The following MYO1C variants were observed in gnomAD, a reference collection of about 807,000 sequenced individuals.
The protein encoded by MYO1C is unconventional myosin-Ic.
In MYO1C, 104 loss-of-function variants were observed where a neutral mutation model predicts 150.8. The ratio of observed to expected loss-of-function variants is 0.69; its 90% CI spans 0.59 to 0.81. The LOEUF is 0.81. Among genes scored for constraint, MYO1C ranks in the 30% least tolerant of loss-of-function variants. The pLI, the probability that MYO1C is intolerant of heterozygous loss-of-function variation, is 0.00. For synonymous variants in MYO1C, 663 were observed against 579.9 expected (o/e 1.14, Z -2.06); for missense variants, 1,504 against 1,435.0 (o/e 1.05, Z -0.78).
In MYO1C at chr17:1,478,216, C is replaced by T; in HGVS notation, c.1296-24G>A. On this transcript the variant is annotated intron_variant, in intron 11 of 31. Coordinates refer to ENST00000648651, the MANE Select transcript of MYO1C (RefSeq NM_001080779.2). The surrounding 1 kb of genome is among the most constrained non-coding windows in gnomAD (Gnocchi z 6.3). ...AGCTGTAAGGAAGGAGAAGAGCCCA[C>T]AGTGGCTCAGTGGGGACACAGGACC... 1 of 1,606,606 alleles carries T rather than the reference C, an allele frequency of 6.2e-7. No individual in the cohort carries two copies. Among genetic ancestry groups the T allele is most frequent in the Admixed American group, 1.7e-5 (1 of 60,004 alleles).
At chr17:1,472,851 C>T (rs548223607) in intron 17 of MYO1C, among the ~76,000 whole-genome samples, 27 of 150,560 alleles carry the variant, frequency 1.8e-4, no homozygotes, top group African/African-American at 6.5e-4. Context: ...GGGGGAGCTG[C>T]TAAGTACTCC....
intron 1 of MYO1C, chr17:1,491,703 C>G: frequency 1.0e-6 from 1 of 958,460 alleles, no homozygotes. Context: ...CGCCGGGGGC[C>G]GGGCCGCAGC....
At position 1,477,609 on chromosome 17, in the gene MYO1C, G is replaced by A. The variant is rs1015076939; in HGVS notation, c.1483-13C>T. On this transcript the variant is annotated splice_polypyrimidine_tract_variant and intron_variant, in intron 13 of 31. Coordinates refer to ENST00000648651, the MANE Select transcript of MYO1C (RefSeq NM_001080779.2). ...GACACTCCTCATCCTGGGGGGTGTGGCACAGGGGGAAGGACGTATGGGGGA... is the reference window on the plus strand; with the variant it reads ...GACACTCCTCATCCTGGGGGGTGTGACACAGGGGGAAGGACGTATGGGGGA... 7 of 1,606,882 alleles carry A rather than the reference G, an allele frequency of 4.4e-6. No homozygotes were observed. Among genetic ancestry groups the A allele is most frequent in the Middle Eastern group, 1.7e-4 (1 of 6,044 alleles).
chr17:1,488,404 G>A (rs2074692646), intron 1 of MYO1C, among the ~76,000 whole-genome samples: 1 of 152,230 alleles, frequency 6.6e-6, no homozygotes. Context: ...GGCGGGGAGG[G>A]AAGCGGGGAA....
At position 1,479,682 on chromosome 17, in the gene MYO1C, G is replaced by T; in HGVS notation, c.930C>A (p.Ser310Arg). The T allele has an allele frequency of 6.2e-7, 1 of 1,612,708 alleles. No homozygotes were observed. Among genetic ancestry groups the T allele is most frequent in the Non-Finnish European group, 8.5e-7 (1 of 1,179,546 alleles). ...EVEDLLSIVASVLHLGNIHFA... is the reference protein window; with the variant it reads ...EVEDLLSIVARVLHLGNIHFA... ...AGTGGATGTTGCCCAAATGAAGGAC[G>T]CTGGCCACGATGCTCAGCAGGTCCT... The change falls in exon 8 of 32, where the codon AGC (serine) becomes AGA (arginine). Residue 310 changes from serine to arginine, a missense_variant. Coordinates refer to ENST00000648651, the MANE Select transcript of MYO1C (RefSeq NM_001080779.2). The surrounding 1 kb of genome is among the most constrained non-coding windows in gnomAD (Gnocchi z 4.2).
intron 4 of MYO1C, 98 bp from the exon 5 acceptor site, chr17:1,482,656 G>A: frequency 9.6e-7 from 1 of 1,040,200 alleles, no homozygotes; most frequent in South Asian, 1.4e-5. Flanking sequence ...CCCGCACTGG[G>A]CTTCTCTCCC....
chr17:1,470,213 C>G lies in MYO1C; in HGVS notation c.2488G>C (p.Asp830His), dbSNP rs757876327. 7 of 1,611,660 alleles carry G rather than the reference C, an allele frequency of 4.3e-6. No individual in the cohort carries two copies. Among genetic ancestry groups the G allele is most frequent in the Non-Finnish European group, 5.9e-6 (7 of 1,179,570 alleles). ...LRRQLPQNVL[D>H]TSWPTPPPAL... ...GGTGGGGGCGTGGGCCACGAGGTGT[C>G]CAGGACATTCTGGGGCAGCTGCCGC... The change falls in exon 24 of 32, where the codon GAC becomes CAC. Residue 830 changes from aspartate (D) to histidine (H), a missense_variant. By Grantham distance (81) the Asp-to-His change is moderately conservative. Transcript: ENST00000648651.
Position 1,470,568 on chromosome 17 carries a change from GC to G in MYO1C, c.2282-50del, listed in dbSNP as rs565178958. On this transcript the variant is annotated intron_variant, in intron 22 of 31. Transcript: ENST00000648651. ...TGAACTCTATCTTCTTACCATGGTG[GC>G]CCCCCCTGGCCCCAGACCCCGCCCC... is the stretch of plus-strand genomic sequence containing the variant. The G allele has an allele frequency of 4.2e-4, 667 of 1,572,670 alleles. 3 individuals are homozygous for G. The African/African-American group carries it at 6.0e-3, about 14-fold the overall frequency.
At chr17:1,475,123 G>C in intron 14 of MYO1C, 91 bp from the exon 15 acceptor site, 1 of 1,332,030 alleles carries the variant, frequency 7.5e-7, no homozygotes, top group Non-Finnish European at 1.1e-6. Context: ...GGAACCAGCT[G>C]CCCAGGTGCA....
Position 1,492,498 on chromosome 17 carries a change from G to A in MYO1C, c.-11C>T, listed in dbSNP as rs1257487628. 1.1e-5 allele frequency: 18 copies of A among 1,594,466 alleles called. No individual in the cohort carries two copies. Among genetic ancestry groups the A allele is most frequent in the Admixed American group, 5.2e-5 (3 of 58,212 alleles). On this transcript the variant is annotated 5_prime_UTR_variant, in exon 1 of 32. Coordinates refer to ENST00000648651, the MANE Select transcript of MYO1C (RefSeq NM_001080779.2). Reference sequence around the variant, plus strand: ...CACTTGCAGCGCCATTCCGCCCTGCGGAGAGCCAGCGGCCTGGGCACCGCG... The same window carrying A: ...CACTTGCAGCGCCATTCCGCCCTGCAGAGAGCCAGCGGCCTGGGCACCGCG...
chr17:1,475,599 G>A (rs2074389567), intron 14 of MYO1C, among the ~76,000 whole-genome samples: 1 of 152,260 alleles, frequency 6.6e-6, no homozygotes, highest in Non-Finnish European at 1.5e-5. Flanking sequence ...GCCGCTGCGG[G>A]CTCTGCTCAG....
At chr17:1,474,298 G>A (rs1381187959) in intron 17 of MYO1C, among the ~76,000 whole-genome samples, 1 of 152,070 alleles carries the variant, frequency 6.6e-6, no homozygotes, top group African/African-American at 2.4e-5. Flanking sequence ...CATGGTGGCA[G>A]GCGCCTGTAA....
At chr17:1,481,166 C>A (rs1384357756) in intron 5 of MYO1C, 2 of 473,792 alleles carry the variant, frequency 4.2e-6, no homozygotes, top group Non-Finnish European at 3.9e-6. Flanking sequence ...GACCTTCTCC[C>A]TCTTCAAACA....
chr17:1,491,792 C>T (rs936630194), intron 1 of MYO1C: 5 of 394,696 alleles, frequency 1.3e-5, no homozygotes, highest in African/African-American at 1.1e-4. Flanking sequence ...TCCGCGAAGC[C>T]TCGGTGCGTG....
At chr17:1,471,040 G>A (rs377534904) in intron 21 of MYO1C, 31 bp downstream of exon 21, 37 of 1,607,794 alleles carry the variant, frequency 2.3e-5, no homozygotes, top group Admixed American at 1.7e-4. Flanking sequence ...AAGGGACCCC[G>A]TGCAGCAGGA....
Position 1,467,557 on chromosome 17 carries a change from A to T in MYO1C, c.2988T>A (p.Ser996Arg). 1 of 1,613,070 alleles carries T rather than the reference A, an allele frequency of 6.2e-7. No individual in the cohort carries two copies. The highest frequency in any genetic ancestry group is 8.5e-7 in the Non-Finnish European group (1 of 1,179,818). ...NKQKGDVVLQ[S>R]DHVIETLTKT... is the part of the protein sequence containing the mutation. ...TGGTCAGCGTCTCAATCACGTGGTC[A>T]CTCTGCAGCACCACATCTCCCTGGG... The change falls in exon 30 of 32, where the codon AGT (serine) becomes AGA (arginine). Residue 996 changes from serine to arginine, a missense_variant. Ser to Arg is a moderately radical substitution (Grantham distance 110, BLOSUM62 -1). Coordinates refer to ENST00000648651, the MANE Select transcript of MYO1C (RefSeq NM_001080779.2).
chr17:1,482,912 C>T lies in MYO1C; in HGVS notation c.495G>A (p.Glu165=), dbSNP rs773249536. 9 of 1,611,652 alleles carry T rather than the reference C, an allele frequency of 5.6e-6. No individual in the cohort carries two copies. In the Admixed American group the frequency reaches 8.3e-5, roughly 15 times the overall value. The change falls in exon 4 of 32, where the codon GAG becomes GAA. Residue 165 remains glutamate, a synonymous_variant. Coordinates refer to ENST00000648651, the MANE Select transcript of MYO1C (RefSeq NM_001080779.2). ...GCCGGTCCCGCACGGCACCTCCGCG[C>T]TCGGGGGCTGGGCAGGTCTCTGCAT... ...QFYAETCPAP[E]RGGAVRDRLL...
At position 1,471,170 on chromosome 17, in the gene MYO1C, C is replaced by T. The variant is rs745801060; in HGVS notation, c.2136-23G>A. The stretch of plus-strand genomic sequence containing the variant: ...GTCCTGGGAGAGCAGTAGTGATCAG[C>T]CCGGGGTTGCCACTCCCATTCCCCG... On this transcript the variant is annotated intron_variant, in intron 20 of 31. Transcript: ENST00000648651. 23 of 1,613,806 alleles carry T rather than the reference C, an allele frequency of 1.4e-5. No homozygotes were observed. In the East Asian group the frequency reaches 4.9e-4, roughly 34 times the overall value.
At chr17:1,481,902 C>T (rs1240438436) in intron 5 of MYO1C, among the ~76,000 whole-genome samples, 2 of 152,100 alleles carry the variant, frequency 1.3e-5, no homozygotes, top group African/African-American at 4.8e-5. Flanking sequence ...TCGCGGGCCC[C>T]TGCTCTCTTC....
Sources: allele counts gnomAD v4.1 joint callset (sites outside exome capture counted in the v4.1 genomes callset), GRCh38; gene constraint gnomAD v4.1.1; non-coding constraint Gnocchi (gnomAD v3.1); transcripts MANE v1.5; gene names NCBI Gene and HGNC (gene_info 2026-07-23, HGNC 2026-07-21).